Variants in MCRIP1 observed in about 807,000 individuals in gnomAD.
MCRIP1 encodes the protein mapk-regulated corepressor-interacting protein 1.
A neutral mutation model predicts 14.4 loss-of-function variants in MCRIP1; 10 were observed. The ratio of observed to expected loss-of-function variants is 0.70; its 90% CI spans 0.43 to 1.18. The LOEUF (loss-of-function observed/expected upper bound fraction) is 1.18, where lower values mean the gene tolerates loss of function less well. Among genes scored for constraint, MCRIP1 ranks in the 50% most tolerant of loss-of-function variants. The probability of loss-of-function intolerance (pLI) is 0.00; values close to 1 mark genes in which losing one functional copy is unlikely to be tolerated. For missense variants in MCRIP1, 119 were observed against 135.4 expected, an observed-to-expected ratio of 0.88 and a Z score of 0.60; for synonymous variants, 53 against 55.7, an observed-to-expected ratio of 0.95 and a Z score of 0.21.
rs533375350 is a variant in MCRIP1 at position 81,823,268 on chromosome 17, C to T, written c.273G>A (p.Thr91=). 16 of 1,536,850 alleles carry T rather than the reference C, an allele frequency of 1.0e-5. No individual in the cohort carries two copies. The South Asian group carries it at 1.3e-4, about 13-fold the overall frequency. ...IDLSDLKRRS[T]QDAKKS Reference sequence around the variant, plus strand: ...CGCTCTAGGACTTCTTGGCATCCTGCGTGCTCCGGCGCTTCAGGTCACTCA... The same window carrying T: ...CGCTCTAGGACTTCTTGGCATCCTGTGTGCTCCGGCGCTTCAGGTCACTCA... The change falls in exon 5 of 5, where the codon ACG becomes ACA. Residue 91 remains threonine (T), a synonymous_variant. Transcript: ENST00000455127. The surrounding 1 kb of genome is among the most constrained non-coding windows in gnomAD (Gnocchi z 6.0).
In MCRIP1 at chr17:81,822,933, G is replaced by A. The variant is rs2038298240; in HGVS notation, c.*314C>T. 1 of 534,514 alleles carries A rather than the reference G, an allele frequency of 1.9e-6. No individual in the cohort carries two copies. The highest frequency in any genetic ancestry group is 3.4e-6 in the Non-Finnish European group (1 of 297,400). 33.1% of individuals were successfully genotyped at this position (534,514 alleles called of 1,614,324 possible). ...CTGCAGTGGCCAGGGGCAGGAGGGT[G>A]AGGGGAGAGGAGAGAGGTCAGGTCA... is the stretch of plus-strand genomic sequence containing the variant. On this transcript the variant is annotated 3_prime_UTR_variant, in exon 5 of 5. Coordinates refer to ENST00000455127, the MANE Select transcript of MCRIP1 (RefSeq NM_207368.5).
intron 1 of MCRIP1, chr17:81,826,127 C>T: frequency 6.7e-7 from 1 of 1,484,206 alleles, no homozygotes; most frequent in Non-Finnish European, 8.9e-7. Flanking sequence ...GCCTGGGATC[C>T]CCCTGCTGGG....
chr17:81,829,694 C>G, intron 1 of MCRIP1, among the ~76,000 whole-genome samples: 1 of 152,186 alleles, frequency 6.6e-6, no homozygotes, highest in Non-Finnish European at 1.5e-5. Context: ...TCTCCTGGCC[C>G]AGGACCACCC....
intron 1 of MCRIP1, among the ~76,000 whole-genome samples, chr17:81,830,964 G>A (rs536266667): frequency 5.3e-5 from 8 of 151,964 alleles, no homozygotes; most frequent in South Asian, 2.1e-4. Flanking sequence ...TCAGGAGTTC[G>A]AGACCAGCCT....
chr17:81,824,960 T>C (rs137873912), intron 1 of MCRIP1: 220,964 of 1,068,890 alleles, frequency 0.21, 25,066 homozygotes, highest in African/African-American at 0.37. Flanking sequence ...GCAGAGGGCC[T>C]GCAGCCCCTC....
At chr17:81,826,692 A>G (rs941696362) in intron 1 of MCRIP1, 46 of 353,178 alleles carry the variant, frequency 1.3e-4, no homozygotes, top group East Asian at 6.4e-4. Context: ...GGTGGCAGGC[A>G]CCCGTAATCC....
chr17:81,826,232 C>A (rs543818341), intron 1 of MCRIP1: 14 of 1,526,502 alleles, frequency 9.2e-6, no homozygotes, highest in Admixed American at 2.0e-5. Flanking sequence ...TGTGCACACA[C>A]ACACACACAC....
chr17:81,826,946 T>C lies in MCRIP1; in HGVS notation c.-48-2392A>G, dbSNP rs370979100. ...CAGCCTGGCCAATATGGTGAAACCCTGTCTCTACTAAAAATACAAAAATTA... is the reference window on the plus strand; with the variant it reads ...CAGCCTGGCCAATATGGTGAAACCCCGTCTCTACTAAAAATACAAAAATTA... On this transcript the variant is annotated intron_variant, in intron 1 of 4. Coordinates refer to ENST00000455127, the MANE Select transcript of MCRIP1 (RefSeq NM_207368.5). 2.7e-4 allele frequency among the ~76,000 whole-genome samples: 41 copies of C among 150,882 alleles called. No individual in the cohort carries two copies. The East Asian group carries it at 3.2e-3, about 12-fold the overall frequency.
chr17:81,825,771 G>C, intron 1 of MCRIP1: 1 of 1,289,414 alleles, frequency 7.8e-7, no homozygotes, highest in Non-Finnish European at 1.0e-6. Context: ...CACCCAGTTT[G>C]CTCACAAAGT....
At chr17:81,832,931 C>G (rs1413826553) in intron 1 of MCRIP1, among the ~76,000 whole-genome samples, 5 of 152,174 alleles carry the variant, frequency 3.3e-5, no homozygotes, top group Non-Finnish European at 7.4e-5. Context: ...AAGGCTGGCC[C>G]GCTGCGAGCG....
At position 81,824,386 on chromosome 17, in the gene MCRIP1, C is replaced by T. The variant is rs754717613; in HGVS notation, c.28G>A (p.Val10Met). MTSSPVSRVVYNGKRTSSPR... is the reference protein window; with the variant it reads MTSSPVSRVMYNGKRTSSPR... ...CTGCTGGTCCTCTTGCCGTTGTACACGACTCTGGAGACGGGGGAGCTGGGG... is the reference window on the plus strand; with the variant it reads ...CTGCTGGTCCTCTTGCCGTTGTACATGACTCTGGAGACGGGGGAGCTGGGG... The change falls in exon 3 of 5, where the codon GTG becomes ATG. Residue 10 changes from valine (V) to methionine (M), a missense_variant. Transcript: ENST00000455127. The T allele has an allele frequency of 6.5e-6, 10 of 1,535,588 alleles. No individual in the cohort carries two copies. Among genetic ancestry groups the T allele is most frequent in the African/African-American group, 1.4e-5 (1 of 73,106 alleles).
At chr17:81,831,934 C>T (rs2038528507) in intron 1 of MCRIP1, among the ~76,000 whole-genome samples, 1 of 152,134 alleles carries the variant, frequency 6.6e-6, no homozygotes, top group South Asian at 2.1e-4. Flanking sequence ...AACCTTCCTC[C>T]TCCAGGGGAC....
At chr17:81,825,871 G>A (rs2038381043) in intron 1 of MCRIP1, 1 of 1,290,330 alleles carries the variant, frequency 7.7e-7, no homozygotes. Context: ...GGAGGGAAAG[G>A]CCTGTTTGGG....
chr17:81,826,649 G>A, intron 1 of MCRIP1: 1 of 460,804 alleles, frequency 2.2e-6, no homozygotes, highest in Non-Finnish European at 3.8e-6. Context: ...GTGAAACCCT[G>A]TCTCTACTAA....
At chr17:81,824,193 C>T (rs1354532954) in intron 3 of MCRIP1, 94 bp downstream of exon 3, 27 of 1,010,714 alleles carry the variant, frequency 2.7e-5, no homozygotes, top group African/African-American at 4.8e-5. Flanking sequence ...GGGCAGGGGC[C>T]GCAGGAGGTT....
chr17:81,827,910 C>T (rs968421221), intron 1 of MCRIP1, among the ~76,000 whole-genome samples: 11 of 148,246 alleles, frequency 7.4e-5, no homozygotes, highest in South Asian at 4.3e-4. Context: ...CCTCTCGAGT[C>T]GCTGGGACTA....
In MCRIP1 at chr17:81,824,543, T is replaced by A; in HGVS notation, c.-37A>T. On this transcript the variant is annotated 5_prime_UTR_variant, in exon 2 of 5. Coordinates refer to ENST00000455127, the MANE Select transcript of MCRIP1 (RefSeq NM_207368.5). ...CTGATCCTAGCGCTCCACCGCCAGA[T>A]CCCCTCAGCCTCTGAAACAGAAGCC... 1 of 1,535,796 alleles carries A rather than the reference T, an allele frequency of 6.5e-7. No homozygotes were observed.
intron 1 of MCRIP1, among the ~76,000 whole-genome samples, chr17:81,828,887 G>A (rs927439718): frequency 1.3e-5 from 2 of 152,212 alleles, no homozygotes; most frequent in African/African-American, 4.8e-5. Flanking sequence ...CAACCTCAGC[G>A]GGGCGGCCTA....
Position 81,828,766 on chromosome 17 carries a change from G to C in MCRIP1, c.-48-4212C>G, listed in dbSNP as rs574264346. Reference sequence around the variant, plus strand: ...CCGAGGCATGGACATAACTGGAGCCGGGGCCAGGACGGTGCCTGTGAGGGC... The same window carrying C: ...CCGAGGCATGGACATAACTGGAGCCCGGGCCAGGACGGTGCCTGTGAGGGC... On this transcript the variant is annotated intron_variant, in intron 1 of 4. Coordinates refer to ENST00000455127, the MANE Select transcript of MCRIP1 (RefSeq NM_207368.5). Among the ~76,000 whole-genome samples the C allele has an allele frequency of 3.0e-4, 45 of 152,332 alleles. 1 individual carries two copies. The South Asian group carries it at 7.5e-3, about 25-fold the overall frequency.
Sources: allele counts gnomAD v4.1 joint callset (sites outside exome capture counted in the v4.1 genomes callset), GRCh38; gene constraint gnomAD v4.1.1; non-coding constraint Gnocchi (gnomAD v3.1); transcripts MANE v1.5; gene names NCBI Gene and HGNC (gene_info 2026-07-23, HGNC 2026-07-21).